Variants in PPP2R5E observed in about 807,000 individuals in gnomAD.
PPP2R5E encodes the protein protein phosphatase 2 regulatory subunit B'epsilon.
PPP2R5E carries 4 observed loss-of-function variants against 65.3 expected under a neutral mutation model. The ratio of observed to expected loss-of-function variants is 0.06; its 90% CI spans 0.03 to 0.14. The LOEUF is 0.14. Among genes scored for constraint, PPP2R5E ranks in the 10% least tolerant of loss-of-function variants. PPP2R5E has a pLI of 1.00. For synonymous variants in PPP2R5E, 183 were observed against 187.4 expected (o/e 0.98, Z 0.19); for missense variants, 274 against 556.1 (o/e 0.49, Z 5.10).
intron 2 of PPP2R5E, among the ~76,000 whole-genome samples, chr14:63,504,249 CA>C (rs199690321): frequency 3.3e-5 from 5 of 149,610 alleles, no homozygotes; most frequent in African/African-American, 4.9e-5. Flanking sequence ...TCTTGGCAAT[CA>C]AAAAAAAAGC....
chr14:63,425,443 A>T (rs1018531359), intron 3 of PPP2R5E, among the ~76,000 whole-genome samples: 6 of 152,232 alleles, frequency 3.9e-5, no homozygotes, highest in African/African-American at 1.4e-4. Flanking sequence ...TGAGTCATTT[A>T]TACGTACTAC....
intron 2 of PPP2R5E, among the ~76,000 whole-genome samples, chr14:63,497,684 G>A (rs1386843884): frequency 1.3e-4 from 19 of 151,930 alleles, no homozygotes. Flanking sequence ...GGAGGCAGAG[G>A]TTGCAGTGAG....
At chr14:63,509,394 C>T (rs905582652) in intron 2 of PPP2R5E, among the ~76,000 whole-genome samples, 8 of 151,282 alleles carry the variant, frequency 5.3e-5, no homozygotes, top group Admixed American at 3.3e-4. Context: ...GTGCCTTGGC[C>T]TCCCAAGTAG....
intron 11 of PPP2R5E, among the ~76,000 whole-genome samples, chr14:63,386,914 A>G (rs2139763450): frequency 7.1e-6 from 1 of 140,724 alleles, no homozygotes; most frequent in East Asian, 2.4e-4. Context: ...ACACAGCAAG[A>G]CTCCATCTCA....
intron 2 of PPP2R5E, among the ~76,000 whole-genome samples, chr14:63,529,376 T>C (rs1390507999): frequency 6.9e-6 from 1 of 144,366 alleles, no homozygotes; most frequent in Non-Finnish European, 1.5e-5. Context: ...TTTTTTTTTT[T>C]TTGAGACAGA....
At chr14:63,389,398 T>C (rs947825849) in intron 11 of PPP2R5E, among the ~76,000 whole-genome samples, 2 of 151,960 alleles carry the variant, frequency 1.3e-5, no homozygotes, top group African/African-American at 4.8e-5. Context: ...TGCAGGGTGT[T>C]AGGAGAATTA....
chr14:63,406,759 C>G (rs943189074), intron 5 of PPP2R5E, among the ~76,000 whole-genome samples: 2 of 152,132 alleles, frequency 1.3e-5, no homozygotes, highest in Admixed American at 1.3e-4. Flanking sequence ...AATCAGTTGG[C>G]AAAGTGGAAC....
rs765251052 is a variant in PPP2R5E at position 63,539,641 on chromosome 14, G to A, written c.45C>T (p.Asp15=). The A allele has an allele frequency of 9.3e-6, 15 of 1,613,858 alleles. No individual in the cohort carries two copies. Among genetic ancestry groups the A allele is most frequent in the African/African-American group, 6.7e-5 (5 of 74,912 alleles). ...TTCTGACGGACTTCCGAGAAAATCCGTCTACTTTATCCACTGATGGAGGAG... is the reference window on the plus strand; with the variant it reads ...TTCTGACGGACTTCCGAGAAAATCCATCTACTTTATCCACTGATGGAGGAG... ...PTTPPSVDKV[D]GFSRKSVRKA... The change falls in exon 2 of 14, where the codon GAC becomes GAT. Residue 15 remains aspartate (D), a synonymous_variant. Coordinates refer to ENST00000337537, the MANE Select transcript of PPP2R5E (RefSeq NM_006246.5).
intron 2 of PPP2R5E, 108 bp downstream of exon 2, chr14:63,539,421 C>T: frequency 1.7e-6 from 2 of 1,193,082 alleles, no homozygotes; most frequent in Non-Finnish European, 2.3e-6. Flanking sequence ...TGTGAAGTAT[C>T]CCATCCCTTC....
At chr14:63,384,408 G>A in intron 12 of PPP2R5E, 36 bp downstream of exon 12, 1 of 1,591,496 alleles carries the variant, frequency 6.3e-7, no homozygotes, top group South Asian at 1.1e-5. Flanking sequence ...GAGAGGAAGG[G>A]AGGAAGAGAA....
chr14:63,526,539 TCTCA>T (rs1893192877), intron 2 of PPP2R5E, among the ~76,000 whole-genome samples: 1 of 152,036 alleles, frequency 6.6e-6, no homozygotes, highest in Non-Finnish European at 1.5e-5. Flanking sequence ...TCTCTCTCTC[TCTCA>T]ATCTTTCTCT....
intron 3 of PPP2R5E, among the ~76,000 whole-genome samples, chr14:63,423,827 T>G (rs1387792070): frequency 6.6e-6 from 1 of 152,220 alleles, no homozygotes; most frequent in Non-Finnish European, 1.5e-5. Flanking sequence ...ACCCATGCCC[T>G]CATGGAACTT....
chr14:63,473,467 A>G (rs931915262), intron 2 of PPP2R5E, among the ~76,000 whole-genome samples: 2 of 152,238 alleles, frequency 1.3e-5, no homozygotes, highest in Admixed American at 1.3e-4. Flanking sequence ...AGGAAGGGAC[A>G]GAGAACCAAG....
intron 12 of PPP2R5E, among the ~76,000 whole-genome samples, chr14:63,382,529 G>A (rs1431135349): frequency 1.3e-5 from 2 of 152,048 alleles, no homozygotes; most frequent in African/African-American, 4.8e-5. Flanking sequence ...AGTCTCCTGG[G>A]TAGCTGGGAT....
intron 4 of PPP2R5E, among the ~76,000 whole-genome samples, chr14:63,418,841 CTTTTTTTT>C (rs772740856): frequency 4.8e-5 from 5 of 105,082 alleles, no homozygotes; most frequent in African/African-American, 2.0e-4. Flanking sequence ...AATTTTTTTA[CTTTTTTTT>C]TTTTTTTTTT....
intron 2 of PPP2R5E, among the ~76,000 whole-genome samples, chr14:63,468,295 C>A (rs1014788962): frequency 2.0e-5 from 3 of 152,074 alleles, no homozygotes; most frequent in Non-Finnish European, 4.4e-5. Context: ...ATTGTTGATA[C>A]ATATAGATCT....
intron 3 of PPP2R5E, chr14:63,451,229 C>G (rs1311160266): frequency 3.3e-5 from 5 of 152,118 alleles, no homozygotes; most frequent in African/African-American, 1.2e-4. Flanking sequence ...CCCAAAGGAG[C>G]TGAAATCTTA....
chr14:63,451,219 C>T (rs1363071438), intron 3 of PPP2R5E: 1 of 152,090 alleles, frequency 6.6e-6, no homozygotes, highest in Admixed American at 6.5e-5. Flanking sequence ...TTGGTATTTA[C>T]CCAAAGGAGC....
intron 3 of PPP2R5E, among the ~76,000 whole-genome samples, chr14:63,426,733 C>G (rs1022378088): frequency 6.6e-6 from 1 of 151,116 alleles, no homozygotes; most frequent in Non-Finnish European, 1.5e-5. Flanking sequence ...ATCACAGCCT[C>G]CCACAATACC....
Sources: gnomAD v4.1 joint callset for allele counts (sites outside exome capture counted in the v4.1 genomes callset) on GRCh38, gnomAD v4.1.1 for gene constraint, MANE v1.5 for transcripts, NCBI Gene and HGNC (gene_info 2026-07-23, HGNC 2026-07-21) for gene names.